Variants in SLC35F3 observed in about 807,000 individuals in gnomAD.
The protein encoded by SLC35F3 is solute carrier family 35 member F3, also known as putative thiamine transporter SLC35F3.
In SLC35F3, 25 loss-of-function variants were observed where a neutral mutation model predicts 49.9. The ratio of observed to expected loss-of-function variants is 0.50; its 90% CI spans 0.37 to 0.70. The LOEUF (loss-of-function observed/expected upper bound fraction) is 0.70, where lower values mean the gene tolerates loss of function less well. SLC35F3 is among the 30% of genes least tolerant of loss of function. The probability of loss-of-function intolerance (pLI) is 0.00; values close to 1 mark genes in which losing one functional copy is unlikely to be tolerated. For missense variants in SLC35F3, 525 were observed against 639.8 expected, an observed-to-expected ratio of 0.82 and a Z score of 1.94; for synonymous variants, 275 against 265.4, an observed-to-expected ratio of 1.04 and a Z score of -0.35.
At chr1:234,217,217 G>A (rs1233135949) in intron 2 of SLC35F3, among the ~76,000 whole-genome samples, 1 of 152,190 alleles carries the variant, frequency 6.6e-6, no homozygotes, top group East Asian at 1.9e-4. Context: ...GCACCAGCAT[G>A]TGGTACATAT....
intron 2 of SLC35F3, among the ~76,000 whole-genome samples, chr1:234,113,072 AAAG>A (rs1459933958): frequency 1.3e-5 from 2 of 152,042 alleles, no homozygotes; most frequent in Non-Finnish European, 2.9e-5. Flanking sequence ...CATTTTAAAA[AAAG>A]AAGAAGAAAA....
intron 2 of SLC35F3, among the ~76,000 whole-genome samples, chr1:234,000,324 T>G (rs1663531919): frequency 6.6e-6 from 1 of 152,242 alleles, no homozygotes; most frequent in Admixed American, 6.5e-5. Flanking sequence ...TCACTTTGAT[T>G]TTGCTTTCAA....
At chr1:234,031,504 C>T (rs1157581488) in intron 2 of SLC35F3, among the ~76,000 whole-genome samples, 1 of 152,198 alleles carries the variant, frequency 6.6e-6, no homozygotes, top group African/African-American at 2.4e-5. Context: ...CATTCCTGCT[C>T]TATCCAAGAT....
chr1:233,961,568 C>T (rs1417134989), intron 2 of SLC35F3, among the ~76,000 whole-genome samples: 1 of 151,472 alleles, frequency 6.6e-6, no homozygotes, highest in Non-Finnish European at 1.5e-5. Flanking sequence ...GCGATTTTCC[C>T]ACCTCAGCCA....
rs183482603 is a variant in SLC35F3, at chr1:233,957,632, C to T, written c.283+51874C>T. Among the ~76,000 whole-genome samples, 4 of 152,030 alleles carry T rather than the reference C, an allele frequency of 2.6e-5. No homozygotes were observed. The highest frequency in any genetic ancestry group is 1.3e-4 in the Admixed American group (2 of 15,262). On this transcript the variant is annotated intron_variant, in intron 2 of 7. Coordinates refer to ENST00000366618, the MANE Select transcript of SLC35F3 (RefSeq NM_173508.4). The surrounding 1 kb of genome is among the most constrained non-coding windows in gnomAD (Gnocchi z 4.0). ...GAGTTCGAGACCAGCCTGGCCAACA[C>T]GGTGAAAGCTCGTCTCTAATTAAAG...
intron 2 of SLC35F3, among the ~76,000 whole-genome samples, chr1:234,082,703 G>A (rs566383900): frequency 1.3e-5 from 2 of 152,284 alleles, no homozygotes; most frequent in African/African-American, 2.4e-5. Flanking sequence ...TCATGTGGCT[G>A]GGGAGGCCTC....
rs528445479 is a variant in SLC35F3 at position 234,085,890 on chromosome 1, AGTT to A, written c.284-145525_284-145523del. On this transcript the variant is annotated intron_variant, in intron 2 of 7. Coordinates refer to ENST00000366618, the MANE Select transcript of SLC35F3 (RefSeq NM_173508.4). Reference sequence around the variant, plus strand: ...TAAGCAGGGACAATTTCTGGTCCTCAGTTGAGAAATCACCTGGCAATAGTTGAT... The same window carrying A: ...TAAGCAGGGACAATTTCTGGTCCTCAGAGAAATCACCTGGCAATAGTTGAT... Among the ~76,000 whole-genome samples, 114 of 152,340 alleles carry A rather than the reference AGTT, an allele frequency of 7.5e-4. 1 individual carries two copies. The highest frequency in any genetic ancestry group is 2.6e-3 in the African/African-American group (110 of 41,578).
chr1:233,937,686 T>C (rs1348575031), intron 2 of SLC35F3, among the ~76,000 whole-genome samples: 1 of 152,188 alleles, frequency 6.6e-6, no homozygotes, highest in Non-Finnish European at 1.5e-5. Flanking sequence ...AAAAATATAC[T>C]CTGAAACAAA....
chr1:234,127,875 A>G (rs1665673189), intron 2 of SLC35F3, among the ~76,000 whole-genome samples: 1 of 152,206 alleles, frequency 6.6e-6, no homozygotes, highest in Non-Finnish European at 1.5e-5. Context: ...TTTAAAGGTC[A>G]GACAGATATA....
Position 233,909,306 on chromosome 1 carries a change from C to G in SLC35F3, c.283+3548C>G, listed in dbSNP as rs550193409. 6.6e-5 allele frequency among the ~76,000 whole-genome samples: 10 copies of G among 152,332 alleles called. No individual in the cohort carries two copies. In the East Asian group the frequency reaches 1.4e-3, roughly 21 times the overall value. On this transcript the variant is annotated intron_variant, in intron 2 of 7. Transcript: ENST00000366618. ...GCAAAAGTCCTCCAAGCTCCACATT[C>G]CATGTTTTTGAACCAAACCACTTGG...
intron 3 of SLC35F3, among the ~76,000 whole-genome samples, chr1:234,297,156 T>G (rs367557375): frequency 8.7e-4 from 132 of 152,250 alleles, no homozygotes; most frequent in African/African-American, 2.9e-3. Context: ...AGACAACAAG[T>G]GTTAGTGATA....
intron 2 of SLC35F3, among the ~76,000 whole-genome samples, chr1:234,223,737 T>C (rs1313162868): frequency 2.0e-5 from 3 of 152,232 alleles, no homozygotes; most frequent in Non-Finnish European, 4.4e-5. Flanking sequence ...CAGTACACTC[T>C]CTACTGTAAC....
chr1:233,942,322 G>T (rs1397519999), intron 2 of SLC35F3, among the ~76,000 whole-genome samples: 1 of 151,734 alleles, frequency 6.6e-6, no homozygotes. Context: ...CAGAAAGGGG[G>T]AGGGGGAGAG....
chr1:233,937,542 C>T (rs1662354723), intron 2 of SLC35F3, among the ~76,000 whole-genome samples: 1 of 152,144 alleles, frequency 6.6e-6, no homozygotes, highest in South Asian at 2.1e-4. Context: ...AATCCTGAGA[C>T]ATCAGTTATT....
chr1:233,971,604 A>C (rs1447088384), intron 2 of SLC35F3, among the ~76,000 whole-genome samples: 2 of 151,926 alleles, frequency 1.3e-5, no homozygotes. Flanking sequence ...CTGTAATCCC[A>C]GCTACTTGGG....
At chr1:234,263,742 T>A (rs879681936) in intron 3 of SLC35F3, among the ~76,000 whole-genome samples, 5 of 152,226 alleles carry the variant, frequency 3.3e-5, no homozygotes, top group Non-Finnish European at 7.3e-5. Flanking sequence ...GATTTACTAG[T>A]GTCACCCACG....
intron 2 of SLC35F3, among the ~76,000 whole-genome samples, chr1:234,095,910 A>C (rs905596654): frequency 6.6e-6 from 1 of 152,248 alleles, no homozygotes; most frequent in Non-Finnish European, 1.5e-5. Flanking sequence ...AGTATTAGCT[A>C]TTACTGTTGT....
rs1317182687 is a variant in SLC35F3, at chr1:234,214,400, A to G, written c.284-17017A>G. The G allele has an allele frequency of 1.5e-6, 2 of 1,377,648 alleles. No homozygotes were observed. Among genetic ancestry groups the G allele is most frequent in the African/African-American group, 3.0e-5 (2 of 65,798 alleles). The allele number at this position is 1,377,648 out of a possible 1,614,324, so 85.3% of individuals were successfully genotyped here. A position where few individuals can be genotyped will look rare whatever the true frequency, so the allele number is the denominator to read the frequency against. On this transcript the variant is annotated intron_variant, in intron 2 of 7. Transcript: ENST00000366618. This position sits in a 1 kb window ranked among gnomAD's most constrained non-coding sequence, Gnocchi z 8.0. ...CGAGCCGCTGGTGCTCCCCGGCGGC[A>G]GAGGGCCGCGTCGGCCACGGGCCCG...
intron 2 of SLC35F3, among the ~76,000 whole-genome samples, chr1:233,988,986 T>G (rs1663312933): frequency 6.6e-6 from 1 of 152,192 alleles, no homozygotes; most frequent in Non-Finnish European, 1.5e-5. Context: ...ACTATTAAAT[T>G]TCCATGTATA....
Sources: allele counts gnomAD v4.1 joint callset (sites outside exome capture counted in the v4.1 genomes callset), GRCh38; gene constraint gnomAD v4.1.1; non-coding constraint Gnocchi (gnomAD v3.1); transcripts MANE v1.5; gene names NCBI Gene and HGNC (gene_info 2026-07-23, HGNC 2026-07-21).